Variants in FBXW9 observed in about 807,000 individuals in gnomAD.
FBXW9 encodes the protein F-box and WD repeat domain containing 9, also known as F-box/WD repeat-containing protein 9.
A neutral mutation model predicts 55.8 loss-of-function variants in FBXW9; 38 were observed. The ratio of observed to expected loss-of-function variants is 0.68; its 90% CI spans 0.53 to 0.89. The LOEUF (loss-of-function observed/expected upper bound fraction) is 0.89, where lower values mean the gene tolerates loss of function less well. Ranked by LOEUF, FBXW9 falls within the 40% of genes least tolerant of loss-of-function variation. FBXW9 has a pLI of 0.00. For missense variants in FBXW9, 590 were observed against 619.4 expected (o/e 0.95, Z 0.50); for synonymous variants, 289 against 278.2 (o/e 1.04, Z -0.38).
In FBXW9 at chr19:12,689,909, CG is replaced by C. The variant is rs776799896; in HGVS notation, c.1033-36del. ...GGACAAGGGACGGGACAGCTCAGGC[CG>C]GGCTGGGCCTGCAACAGTCCCCATC... is the stretch of plus-strand genomic sequence containing the variant. On this transcript the variant is annotated intron_variant, in intron 6 of 9. Coordinates refer to ENST00000393261, the MANE Select transcript of FBXW9 (RefSeq NM_032301.3). This position sits in a 1 kb window ranked among gnomAD's most constrained non-coding sequence, Gnocchi z 5.9. 1.2e-6 allele frequency: 2 copies of C among 1,612,736 alleles called. No individual in the cohort carries two copies. The highest frequency in any genetic ancestry group is 4.5e-5 in the East Asian group (2 of 44,858).
chr19:12,690,159 GC>G (rs763524869), intron 5 of FBXW9, 49 bp from the exon 6 acceptor site: 46 of 1,606,852 alleles, frequency 2.9e-5, no homozygotes, highest in Middle Eastern at 2.1e-4. Flanking sequence ...CCCCTCGAAG[GC>G]CCCCCCCAGC....
At chr19:12,693,575 C>T (rs1233732020) in intron 3 of FBXW9, among the ~76,000 whole-genome samples, 5 of 84,966 alleles carry the variant, frequency 5.9e-5, no homozygotes, top group Admixed American at 1.3e-4. Flanking sequence ...CACACACACA[C>T]ACACACACAC....
At position 12,689,547 on chromosome 19, in the gene FBXW9, G is replaced by A. The variant is rs139718306; in HGVS notation, c.1230C>T (p.Thr410=). 8.5e-5 allele frequency: 137 copies of A among 1,613,954 alleles called. No homozygotes were observed. The highest frequency in any genetic ancestry group is 1.1e-4 in the Non-Finnish European group (132 of 1,179,972). Residue 410 remains threonine (T), a synonymous_variant, in exon 8 of 10, where the codon ACC becomes ACT. Coordinates refer to ENST00000393261, the MANE Select transcript of FBXW9 (RefSeq NM_032301.3). This position sits in a 1 kb window ranked among gnomAD's most constrained non-coding sequence, Gnocchi z 5.9. ...GGCTGGGCAGGAGCCTCACCCGGAT[G>A]GTCTTGTCAGTGGATGTGGTGTACA... ...GALYTTSTDK[T]IRVHVPTDPP...
intron 3 of FBXW9, among the ~76,000 whole-genome samples, chr19:12,692,864 A>G (rs1182244917): frequency 6.6e-6 from 1 of 152,210 alleles, no homozygotes; most frequent in East Asian, 1.9e-4. Flanking sequence ...GCAAGAACTC[A>G]GCACCAGTGG....
chr19:12,691,262 G>A lies in FBXW9; in HGVS notation c.792-5C>T, dbSNP rs1200764335. The A allele has an allele frequency of 6.2e-7, 1 of 1,613,996 alleles. No homozygotes were observed. The highest frequency in any genetic ancestry group is 8.5e-7 in the Non-Finnish European group (1 of 1,179,996). On this transcript the variant is annotated splice_polypyrimidine_tract_variant and splice_region_variant and intron_variant, in intron 4 of 9. Coordinates refer to ENST00000393261, the MANE Select transcript of FBXW9 (RefSeq NM_032301.3). ...CACAGCACGGCTGAGCTGGCCCTAG[G>A]GACACACAGACCACAGGGCTTTGGC...
chr19:12,694,489 A>G lies in FBXW9; in HGVS notation c.678+105T>C, dbSNP rs1007225188. ...TCTCACTCAAAGTCACACCAAGGTT[A>G]GAAAAGTCAGATTCAAATCTATGCG... On this transcript the variant is annotated intron_variant, in intron 3 of 9. Coordinates refer to ENST00000393261, the MANE Select transcript of FBXW9 (RefSeq NM_032301.3). 8.7e-6 allele frequency: 11 copies of G among 1,268,058 alleles called. No homozygotes were observed. The African/African-American group carries it at 1.4e-4, about 16-fold the overall frequency. 78.6% of individuals were successfully genotyped at this position (1,268,058 alleles called of 1,614,324 possible).
chr19:12,691,509 C>A, intron 3 of FBXW9, 55 bp from the exon 4 acceptor site: 1 of 1,438,264 alleles, frequency 7.0e-7, no homozygotes, highest in Admixed American at 2.0e-5. Context: ...GGGTCCCAGA[C>A]TGGGATCGTT....
In FBXW9 at chr19:12,690,077, T is replaced by C. The variant is rs754718304; in HGVS notation, c.917A>G (p.His306Arg). The change falls in exon 6 of 10, where the codon CAC (histidine) becomes CGC (arginine). Residue 306 changes from histidine to arginine, a missense_variant. By Grantham distance (29) the His-to-Arg change is conservative (BLOSUM62 0). Transcript: ENST00000393261. Reference protein sequence around the residue: ...GPALLKHQQLHSRPVLTLLAD... With the variant: ...GPALLKHQQLRSRPVLTLLAD... ...CAGCAGGGTCAGCACGGGTCTGGAG[T>C]GTAGTTGCTGGTGCTTCAACAGGGC... 1.2e-6 allele frequency: 2 copies of C among 1,613,474 alleles called. No individual in the cohort carries two copies. Among genetic ancestry groups the C allele is most frequent in the East Asian group, 2.2e-5 (1 of 44,850 alleles).
At chr19:12,693,593 C>T (rs1329387623) in intron 3 of FBXW9, among the ~76,000 whole-genome samples, 1 of 106,618 alleles carries the variant, frequency 9.4e-6, no homozygotes, top group African/African-American at 5.8e-5. Context: ...CACACACACA[C>T]ACACACACAC....
At chr19:12,690,888 T>A (rs1205214826) in intron 5 of FBXW9, among the ~76,000 whole-genome samples, 2 of 152,136 alleles carry the variant, frequency 1.3e-5, no homozygotes, top group Non-Finnish European at 2.9e-5. Flanking sequence ...GTGGTATTAT[T>A]ATCTGGATTT....
At position 12,689,376 on chromosome 19, in the gene FBXW9, T is replaced by C. The variant is rs781727042; in HGVS notation, c.1298A>G (p.Asn433Ser). The C allele has an allele frequency of 1.7e-5, 28 of 1,614,028 alleles. No homozygotes were observed. Among genetic ancestry groups the C allele is most frequent in the East Asian group, 8.9e-5 (4 of 44,886 alleles). ...GCACATGGGGCAGGACCTTACCCTA[T>C]TGAGCCCATTGTCATGCCTTCGGGT... ...ICTRRHDNGLNRVCAEGNLVV... is the reference protein window; with the variant it reads ...ICTRRHDNGLSRVCAEGNLVV... Residue 433 changes from asparagine (N) to serine (S), a missense_variant, in exon 9 of 10, where the codon AAT becomes AGT. Asn to Ser is a conservative substitution (Grantham distance 46, BLOSUM62 1). Transcript: ENST00000393261. This position sits in a 1 kb window ranked among gnomAD's most constrained non-coding sequence, Gnocchi z 5.9.
Position 12,689,891 on chromosome 19 carries a change from G to T in FBXW9, c.1033-17C>A, listed in dbSNP as rs2024980920. On this transcript the variant is annotated splice_polypyrimidine_tract_variant and intron_variant, in intron 6 of 9. Coordinates refer to ENST00000393261, the MANE Select transcript of FBXW9 (RefSeq NM_032301.3). This position sits in a 1 kb window ranked among gnomAD's most constrained non-coding sequence, Gnocchi z 5.9. ...GGAGTCCAGCTACGAGAGGGACAAG[G>T]GACGGGACAGCTCAGGCCGGGCTGG... 1 of 1,613,276 alleles carries T rather than the reference G, an allele frequency of 6.2e-7. No homozygotes were observed. Among genetic ancestry groups the T allele is most frequent in the Admixed American group, 1.7e-5 (1 of 60,004 alleles).
chr19:12,694,823 G>A lies in FBXW9; in HGVS notation c.525C>T (p.Ser175=), dbSNP rs572407173. Residue 175 remains serine, a synonymous_variant, in exon 2 of 10, where the codon TCC becomes TCT. Transcript: ENST00000393261. ...YFCLAEGHVA[S]VDSVLLLQGG... is the part of the protein sequence containing the mutation. ...CCTGGAGCAGCAGCACTGAGTCAAC[G>A]GAAGCCACGTGGCCTTCGGCCAGGC... 1.9e-5 allele frequency: 30 copies of A among 1,614,106 alleles called. No individual in the cohort carries two copies. The highest frequency in any genetic ancestry group is 1.6e-4 in the Middle Eastern group (1 of 6,062).
At chr19:12,695,561 A>G (rs1172063430) in intron 1 of FBXW9, among the ~76,000 whole-genome samples, 3 of 151,998 alleles carry the variant, frequency 2.0e-5, no homozygotes, top group Admixed American at 2.0e-4. Context: ...GGTATCAAAC[A>G]CCCAAGCTGT....
chr19:12,693,520 A>T (rs1384434799), intron 3 of FBXW9, among the ~76,000 whole-genome samples: 2 of 33,288 alleles, frequency 6.0e-5, no homozygotes, highest in African/African-American at 2.4e-4. Context: ...AAAAAAAAAA[A>T]AAAAAAAAAA....
At position 12,696,499 on chromosome 19, in the gene FBXW9, G is replaced by T. The variant is rs370265857; in HGVS notation, c.83C>A (p.Ala28Glu). 6.2e-7 allele frequency: 1 copy of T among 1,612,814 alleles called. No individual in the cohort carries two copies. The highest frequency in any genetic ancestry group is 2.2e-5 in the East Asian group (1 of 44,860). ...SDPESETDPD[A>E]QAKAYVARVL... ...GCGGGCCACGTAGGCCTTGGCCTGC[G>T]CGTCTGGGTCTGTCTCTGACTCTGG... Residue 28 changes from alanine to glutamate, a missense_variant, in exon 1 of 10, where the codon GCG becomes GAG. Physicochemically the swap from Ala to Glu is moderately radical, Grantham distance 107. Coordinates refer to ENST00000393261, the MANE Select transcript of FBXW9 (RefSeq NM_032301.3).
chr19:12,691,403 A>AG lies in FBXW9; in HGVS notation c.729dup (p.Trp244LeufsTer34). On this transcript the variant is annotated frameshift_variant, in exon 4 of 10. Coordinates refer to ENST00000393261, the MANE Select transcript of FBXW9 (RefSeq NM_032301.3). LOFTEE classifies it high-confidence loss of function. ...TCCCAGAGCTTCACTGTGCTGTCCCAGGAGCCGGAGCACACGCGGTGGTCC... is the reference window on the plus strand; with the variant it reads ...TCCCAGAGCTTCACTGTGCTGTCCCAGGGAGCCGGAGCACACGCGGTGGTCC... 1 of 1,610,222 alleles carries AG rather than the reference A, an allele frequency of 6.2e-7. No homozygotes were observed. Among genetic ancestry groups the AG allele is most frequent in the Non-Finnish European group, 8.5e-7 (1 of 1,178,608 alleles).
At position 12,689,082 on chromosome 19, in the gene FBXW9, C is replaced by T; in HGVS notation, c.*134G>A. 2.5e-6 allele frequency: 2 copies of T among 804,236 alleles called. No homozygotes were observed. The highest frequency in any genetic ancestry group is 4.3e-6 in the Non-Finnish European group (2 of 468,144). 49.8% of individuals were successfully genotyped at this position (804,236 alleles called of 1,614,324 possible). ...CATAGGGCCCAGGCCAGGACGCTCA[C>T]CCGAATGTGGCTGGGACTCCTTGTG... On this transcript the variant is annotated 3_prime_UTR_variant, in exon 10 of 10. Transcript: ENST00000393261. This position sits in a 1 kb window ranked among gnomAD's most constrained non-coding sequence, Gnocchi z 5.9.
At chr19:12,695,507 G>C (rs2025061194) in intron 1 of FBXW9, among the ~76,000 whole-genome samples, 1 of 152,158 alleles carries the variant, frequency 6.6e-6, no homozygotes, top group Non-Finnish European at 1.5e-5. Flanking sequence ...ATCCCGGAGT[G>C]ATCCTGATTC....
Sources: allele counts gnomAD v4.1 joint callset (sites outside exome capture counted in the v4.1 genomes callset), GRCh38; gene constraint gnomAD v4.1.1; non-coding constraint Gnocchi (gnomAD v3.1); transcripts MANE v1.5; gene names NCBI Gene and HGNC (gene_info 2026-07-23, HGNC 2026-07-21).